Variants in KDM6A observed in about 807,000 individuals in gnomAD.
The protein encoded by KDM6A is lysine demethylase 6A.
KDM6A carries 11 observed loss-of-function variants against 117.6 expected under a neutral mutation model. The ratio of observed to expected loss-of-function variants is 0.09; its 90% confidence interval spans 0.06 to 0.15. The LOEUF (loss-of-function observed/expected upper bound fraction) is 0.15. Ranked by LOEUF, KDM6A falls within the 10% of genes least tolerant of loss-of-function variation. KDM6A has a pLI of 1.00. For missense variants in KDM6A, 799 were observed against 1,077.3 expected (o/e 0.74, Z 3.62); for synonymous variants, 384 against 396.1 (o/e 0.97, Z 0.36).
rs371564583 is a variant in KDM6A at position 44,988,312 on chromosome X, A to AT, written c.384+13607dup. Among the ~76,000 whole-genome samples, 666 of 107,397 alleles carry AT rather than the reference A, an allele frequency of 6.2e-3. 4 individuals carry two copies. Among genetic ancestry groups the AT allele is most frequent in the African/African-American group, 0.02 (581 of 29,630 alleles). The allele number at this position is 107,397 out of a possible 115,157, so 93.3% of individuals were successfully genotyped here. On this transcript the variant is annotated intron_variant, in intron 4 of 29. Transcript: ENST00000611820. ...GTTATTCTAGTTAGCCATTCATCTG[A>AT]TTTTTTTTTTGAAGGTTTTTAACTT...
intron 2 of KDM6A, among the ~76,000 whole-genome samples, chrX:44,913,217 G>T (rs1353383691): frequency 9.0e-6 from 1 of 110,527 alleles, no homozygotes; most frequent in African/African-American, 3.3e-5. Context: ...TGTTGCTTAT[G>T]ATTTTCTTAA....
intron 4 of KDM6A, among the ~76,000 whole-genome samples, chrX:44,988,198 A>C (rs1189121721): frequency 8.9e-6 from 1 of 111,941 alleles, no homozygotes; most frequent in Non-Finnish European, 1.9e-5. Flanking sequence ...AGTTGATCAA[A>C]TCGGCTACTG....
chrX:45,045,361 G>A (rs1265016574), intron 8 of KDM6A, among the ~76,000 whole-genome samples: 3 of 110,309 alleles, frequency 2.7e-5, no homozygotes, highest in Non-Finnish European at 5.7e-5. Flanking sequence ...GCTGAGGGAT[G>A]GATCATTTGA....
intron 10 of KDM6A, among the ~76,000 whole-genome samples, chrX:45,054,991 AGTCCTC>A (rs2044010826): frequency 9.0e-6 from 1 of 111,605 alleles, no homozygotes; most frequent in Non-Finnish European, 1.9e-5. Context: ...TGCGCAGGAC[AGTCCTC>A]TATAGCAAAG....
chrX:45,038,340 G>A (rs1014292132), intron 8 of KDM6A, among the ~76,000 whole-genome samples: 9 of 111,646 alleles, frequency 8.1e-5, no homozygotes, highest in Non-Finnish European at 1.5e-4. Context: ...AATGTTTATA[G>A]ATGGTTGTTG....
At chrX:45,085,622 T>C (rs2054007870) in intron 24 of KDM6A, among the ~76,000 whole-genome samples, 1 of 111,895 alleles carries the variant, frequency 8.9e-6, no homozygotes, top group African/African-American at 3.2e-5. Context: ...CTCTTAACCA[T>C]GATTATACTG....
At position 45,002,118 on chromosome X, in the gene KDM6A, T is replaced by C. The variant is rs181528312; in HGVS notation, c.385-8843T>C. On this transcript the variant is annotated intron_variant, in intron 4 of 29. Coordinates refer to ENST00000611820, the MANE Select transcript of KDM6A (RefSeq NM_001291415.2). ...TGCCTTCTTACTGAGAAATTTCCCT[T>C]AGCACCTATTTTTGTTAGTTTTTAG... is the stretch of plus-strand genomic sequence containing the variant. Among the ~76,000 whole-genome samples the C allele has an allele frequency of 9.7e-4, 108 of 111,033 alleles. 1 individual carries two copies. The highest frequency in any genetic ancestry group is 1.3e-4 in the Non-Finnish European group (7 of 53,015).
intron 2 of KDM6A, among the ~76,000 whole-genome samples, chrX:44,878,742 G>A (rs1373456370): frequency 9.3e-6 from 1 of 107,863 alleles, no homozygotes; most frequent in Non-Finnish European, 1.9e-5. Flanking sequence ...TTTTTAATTT[G>A]AGACAGTCTC....
In KDM6A at chrX:44,988,306, C is replaced by T. The variant is rs777307270; in HGVS notation, c.384+13591C>T. On this transcript the variant is annotated intron_variant, in intron 4 of 29. Transcript: ENST00000611820. Reference sequence around the variant, plus strand: ...GCATTGGTTATTCTAGTTAGCCATTCATCTGATTTTTTTTTTGAAGGTTTT... The same window carrying T: ...GCATTGGTTATTCTAGTTAGCCATTTATCTGATTTTTTTTTTGAAGGTTTT... 1.7e-4 allele frequency among the ~76,000 whole-genome samples: 19 copies of T among 110,711 alleles called. No homozygotes were observed. The South Asian group carries it at 5.4e-3, about 31-fold the overall frequency.
Position 44,970,384 on chromosome X carries a change from T to A in KDM6A, c.335-4282T>A, listed in dbSNP as rs766027374. On this transcript the variant is annotated intron_variant, in intron 3 of 29. Coordinates refer to ENST00000611820, the MANE Select transcript of KDM6A (RefSeq NM_001291415.2). ...CTGATAATTACATGGACTTCTTTTTTAAAATATTTTATTTTTTCTCTTTAA... is the reference window on the plus strand; with the variant it reads ...CTGATAATTACATGGACTTCTTTTTAAAAATATTTTATTTTTTCTCTTTAA... Among the ~76,000 whole-genome samples, 442 of 111,919 alleles carry A rather than the reference T, an allele frequency of 3.9e-3. 4 individuals carry two copies. The highest frequency in any genetic ancestry group is 0.014 in the African/African-American group (420 of 30,875).
At chrX:45,083,899 CAG>C (rs1461295085) in intron 24 of KDM6A, among the ~76,000 whole-genome samples, 2 of 111,719 alleles carry the variant, frequency 1.8e-5, no homozygotes, top group Non-Finnish European at 1.9e-5. Context: ...CCATCTGTTG[CAG>C]AGAGTGATGG....
At chrX:45,062,815 AT>A in intron 16 of KDM6A, 67 bp downstream of exon 16, 1 of 662,272 alleles carries the variant, frequency 1.5e-6, no homozygotes, top group Non-Finnish European at 2.5e-6. Flanking sequence ...CTCTAATGTC[AT>A]TTTAGAGCAT....
chrX:45,052,273 A>G (rs146354837), intron 9 of KDM6A, among the ~76,000 whole-genome samples: 5,243 of 111,954 alleles, frequency 0.047, 319 homozygotes, highest in African/African-American at 0.16. Context: ...TGTCATGTGT[A>G]ACTATCACCA....
At chrX:44,912,398 AC>A (rs1392271410) in intron 2 of KDM6A, among the ~76,000 whole-genome samples, 1 of 111,745 alleles carries the variant, frequency 8.9e-6, no homozygotes, top group Non-Finnish European at 1.9e-5. Context: ...CTTTTCATAA[AC>A]TTTTAAACAG....
chrX:44,950,464 T>C (rs2037926128), intron 2 of KDM6A, among the ~76,000 whole-genome samples: 1 of 112,202 alleles, frequency 8.9e-6, no homozygotes, highest in Admixed American at 9.5e-5. Context: ...CTTTATAATG[T>C]ACTTGAATGT....
intron 6 of KDM6A, among the ~76,000 whole-genome samples, chrX:45,027,816 G>A (rs910063630): frequency 5.6e-5 from 6 of 107,111 alleles, no homozygotes; most frequent in Admixed American, 1.0e-4. Flanking sequence ...TTTTTGAGAC[G>A]GAGTTTCACT....
chrX:45,043,115 C>A (rs886163853), intron 8 of KDM6A, among the ~76,000 whole-genome samples: 5 of 110,924 alleles, frequency 4.5e-5, no homozygotes, highest in Non-Finnish European at 9.4e-5. Flanking sequence ...CATGGTGAAA[C>A]CCCATCTCTA....
chrX:44,903,313 G>C (rs1240012174), intron 2 of KDM6A, among the ~76,000 whole-genome samples: 1 of 111,584 alleles, frequency 9.0e-6, no homozygotes, highest in Non-Finnish European at 1.9e-5. Flanking sequence ...TTGCCTTCTG[G>C]CCTCCACAGT....
chrX:44,918,423 C>T (rs1472348580), intron 2 of KDM6A, among the ~76,000 whole-genome samples: 1 of 111,091 alleles, frequency 9.0e-6, no homozygotes, highest in East Asian at 2.8e-4. Context: ...CAATTTGCTA[C>T]TAAAAGTGGC....
Sources: gnomAD v4.1 joint callset for allele counts (sites outside exome capture counted in the v4.1 genomes callset) on GRCh38, gnomAD v4.1.1 for gene constraint, MANE v1.5 for transcripts, NCBI Gene and HGNC (gene_info 2026-07-23, HGNC 2026-07-21) for gene names.